COL14A1: variants seen among roughly 807,000 people sequenced by gnomAD.
COL14A1 encodes the protein collagen type XIV alpha 1 chain.
COL14A1 carries 136 observed loss-of-function variants against 230.3 expected under a neutral mutation model. The ratio of observed to expected loss-of-function variants is 0.59; its 90% CI spans 0.51 to 0.68. COL14A1 has a LOEUF of 0.68. COL14A1 is among the 30% of genes least tolerant of loss of function. The pLI is 0.00. For missense variants in COL14A1, 1,976 were observed against 2,215.8 expected (o/e 0.89, Z 2.17); for synonymous variants, 792 against 784.1 (o/e 1.01, Z -0.17).
At chr8:120,253,493 T>C (rs1819042235) in intron 22 of COL14A1, among the ~76,000 whole-genome samples, 1 of 152,246 alleles carries the variant, frequency 6.6e-6, no homozygotes, top group Non-Finnish European at 1.5e-5. Context: ...CCTTAAAATA[T>C]AAATTAGTGA....
chr8:120,308,609 A>G (rs921306623), intron 36 of COL14A1, among the ~76,000 whole-genome samples: 1 of 152,234 alleles, frequency 6.6e-6, no homozygotes, highest in African/African-American at 2.4e-5. Context: ...CTAGAAGATG[A>G]GCAACTAATT....
At chr8:120,200,880 C>T (rs1035062902) in intron 8 of COL14A1, among the ~76,000 whole-genome samples, 2 of 150,834 alleles carry the variant, frequency 1.3e-5, no homozygotes, top group African/African-American at 4.9e-5. Context: ...ATGATGTTCC[C>T]TCCTGTTTCT....
intron 2 of COL14A1, among the ~76,000 whole-genome samples, chr8:120,149,827 T>C (rs573405430): frequency 6.6e-6 from 1 of 152,218 alleles, no homozygotes; most frequent in African/African-American, 2.4e-5. Flanking sequence ...CCCAAGTTGC[T>C]GGGATTACAG....
In COL14A1 at chr8:120,346,622, C is replaced by T. The variant is rs528226718; in HGVS notation, c.5077+1059C>T. Reference sequence around the variant, plus strand: ...CTGCACTTTTGTACACATTGTTTTCCCTCTTTGGAAATGTCCTTTCCTTCC... The same window carrying T: ...CTGCACTTTTGTACACATTGTTTTCTCTCTTTGGAAATGTCCTTTCCTTCC... On this transcript the variant is annotated intron_variant, in intron 45 of 47. Coordinates refer to ENST00000297848, the MANE Select transcript of COL14A1 (RefSeq NM_021110.4). Among the ~76,000 whole-genome samples the T allele has an allele frequency of 7.3e-4, 111 of 152,160 alleles. 1 individual carries two copies. Among genetic ancestry groups the T allele is most frequent in the African/African-American group, 2.5e-3 (105 of 41,514 alleles).
In COL14A1 at chr8:120,168,208, G is replaced by C; in HGVS notation, c.397G>C (p.Val133Leu). 6.2e-7 allele frequency: 1 copy of C among 1,612,958 alleles called. No homozygotes were observed. The highest frequency in any genetic ancestry group is 8.5e-7 in the Non-Finnish European group (1 of 1,179,336). ...RKDPKPRVKV[V>L]DRGNGSRPSS... ...GGATCCAAAGCCCAGAGTCAAAGTT[G>C]TGGACAGAGGAAATGGGAGTAGACC... The change falls in exon 5 of 48, where the codon GTG (valine) becomes CTG (leucine). Residue 133 changes from valine to leucine, a missense_variant. Val to Leu is a conservative substitution (Grantham distance 32). Around this residue, in one of 3 missense-constraint regions of COL14A1, gnomAD observed 181 missense variants for 178.6 expected, o/e 1.01. Coordinates refer to ENST00000297848, the MANE Select transcript of COL14A1 (RefSeq NM_021110.4).
At chr8:120,133,193 G>T (rs1196362236) in intron 1 of COL14A1, among the ~76,000 whole-genome samples, 1 of 150,190 alleles carries the variant, frequency 6.7e-6, no homozygotes, top group Non-Finnish European at 1.5e-5. Context: ...TCCAGCCTGG[G>T]CGACAGAGCG....
At chr8:120,285,227 G>A (rs1370622970) in intron 32 of COL14A1, among the ~76,000 whole-genome samples, 2 of 151,826 alleles carry the variant, frequency 1.3e-5, no homozygotes, top group East Asian at 1.9e-4. Context: ...GCTGAGGTGG[G>A]CAGATCATGA....
At chr8:120,349,329 C>G (rs905791441) in intron 45 of COL14A1, among the ~76,000 whole-genome samples, 2 of 150,122 alleles carry the variant, frequency 1.3e-5, no homozygotes, top group Non-Finnish European at 2.9e-5. Flanking sequence ...ATCAGAGTGC[C>G]TCTCCTCCTC....
At chr8:120,200,201 G>A (rs1271479039) in intron 8 of COL14A1, among the ~76,000 whole-genome samples, 2 of 151,916 alleles carry the variant, frequency 1.3e-5, no homozygotes, top group Non-Finnish European at 2.9e-5. Flanking sequence ...CAGAAAAAAT[G>A]CCTGATTCCC....
At chr8:120,166,922 G>GTGTGTGTGTGT (rs1217998586) in intron 4 of COL14A1, among the ~76,000 whole-genome samples, 18 of 134,516 alleles carry the variant, frequency 1.3e-4, no homozygotes, top group African/African-American at 2.3e-4. Context: ...GTGTGTGTGT[G>GTGTGTGTGTGT]GTGGTGATGA....
chr8:120,209,866 C>T lies in COL14A1; in HGVS notation c.1432C>T (p.Pro478Ser), dbSNP rs771815835. ...GASGYLILYA[P>S]LTEGLAGDEK... ...CTCAGGTTACCTGATCCTTTATGCT[C>T]CTCTAACAGAGGGCCTGGCTGGGGA... is the stretch of plus-strand genomic sequence containing the variant. The change falls in exon 12 of 48, where the codon CCT becomes TCT. Residue 478 changes from proline (P) to serine (S), a missense_variant. By Grantham distance (74) the Pro-to-Ser change is moderately conservative. Transcript: ENST00000297848. The T allele has an allele frequency of 6.2e-7, 1 of 1,612,056 alleles. No individual in the cohort carries two copies. The highest frequency in any genetic ancestry group is 8.5e-7 in the Non-Finnish European group (1 of 1,179,182).
intron 5 of COL14A1, among the ~76,000 whole-genome samples, chr8:120,182,056 G>T (rs1816481527): frequency 6.6e-6 from 1 of 151,980 alleles, no homozygotes; most frequent in Non-Finnish European, 1.5e-5. Flanking sequence ...CTCCCTTACT[G>T]CCCTTGATAA....
At chr8:120,271,428 C>T (rs1331473763) in intron 26 of COL14A1, among the ~76,000 whole-genome samples, 1 of 150,488 alleles carries the variant, frequency 6.6e-6, no homozygotes, top group African/African-American at 2.4e-5. Context: ...TATAAACAGG[C>T]AAGCAAATAG....
chr8:120,287,594 A>G (rs1193115181), intron 33 of COL14A1, among the ~76,000 whole-genome samples: 1 of 152,194 alleles, frequency 6.6e-6, no homozygotes, highest in African/African-American at 2.4e-5. Context: ...TCCTTACCAG[A>G]AGAACTCAAG....
chr8:120,238,227 G>T (rs1294812902), intron 19 of COL14A1, among the ~76,000 whole-genome samples: 2 of 152,332 alleles, frequency 1.3e-5, no homozygotes, highest in East Asian at 1.9e-4. Context: ...TCCCCCAGGT[G>T]CTCTGTCACA....
At chr8:120,336,127 A>G (rs1314453343) in intron 42 of COL14A1, among the ~76,000 whole-genome samples, 2 of 152,158 alleles carry the variant, frequency 1.3e-5, no homozygotes, top group East Asian at 1.9e-4. Context: ...ATCTCAAGAC[A>G]TTTTTCAATA....
At chr8:120,231,061 G>A (rs550636206) in intron 18 of COL14A1, among the ~76,000 whole-genome samples, 1 of 152,288 alleles carries the variant, frequency 6.6e-6, no homozygotes, top group African/African-American at 2.4e-5. Flanking sequence ...GTTGGATGCT[G>A]GATTGCACAC....
intron 35 of COL14A1, among the ~76,000 whole-genome samples, chr8:120,300,316 T>G (rs1820671881): frequency 6.6e-6 from 1 of 152,194 alleles, no homozygotes; most frequent in South Asian, 2.1e-4. Context: ...CAGATATAGT[T>G]GTTTTGATTG....
At chr8:120,237,956 A>T (rs1332482978) in intron 19 of COL14A1, among the ~76,000 whole-genome samples, 9 of 152,196 alleles carry the variant, frequency 5.9e-5, no homozygotes, top group Admixed American at 5.9e-4. Flanking sequence ...GCAGAAAAGC[A>T]AAGATTGCTG....
Sources: allele counts gnomAD v4.1 joint callset (sites outside exome capture counted in the v4.1 genomes callset), GRCh38; gene constraint gnomAD v4.1.1; regional missense constraint gnomAD v4.1.1; transcripts MANE v1.5; gene names NCBI Gene and HGNC (gene_info 2026-07-23, HGNC 2026-07-21).